The following SLX4IP variants were observed in gnomAD, a reference collection of about 807,000 sequenced individuals.
SLX4IP encodes protein SLX4IP.
A neutral mutation model predicts 32.9 loss-of-function variants in SLX4IP; 34 were observed. The observed-to-expected ratio is 1.03, with a 90% CI of 0.79 to 1.38. The LOEUF is 1.38. Ranked by LOEUF, SLX4IP falls within the 40% of genes most tolerant of loss-of-function variation. The pLI is 0.00. For missense variants in SLX4IP, 444 were observed against 479.0 expected (o/e 0.93, Z 0.68); for synonymous variants, 172 against 171.7 (o/e 1.00, Z -0.01).
chr20:10,568,435 G>A (rs2066421033), intron 4 of SLX4IP, among the ~76,000 whole-genome samples: 1 of 152,200 alleles, frequency 6.6e-6, no homozygotes, highest in South Asian at 2.1e-4. Flanking sequence ...TGCTGCCTCT[G>A]TAGTACTGAT....
At chr20:10,545,717 A>G (rs1487670287) in intron 2 of SLX4IP, among the ~76,000 whole-genome samples, 1 of 152,190 alleles carries the variant, frequency 6.6e-6, no homozygotes, top group Non-Finnish European at 1.5e-5. Context: ...GTCATCCAGA[A>G]TCCCCAAAGT....
intron 4 of SLX4IP, among the ~76,000 whole-genome samples, chr20:10,581,550 A>G (rs1433085119): frequency 1.3e-5 from 2 of 152,166 alleles, no homozygotes; most frequent in Non-Finnish European, 2.9e-5. Flanking sequence ...AGAGACCCCA[A>G]AGCACTGTAA....
At chr20:10,447,135 T>TG (rs2065208833) in intron 1 of SLX4IP, among the ~76,000 whole-genome samples, 1 of 152,210 alleles carries the variant, frequency 6.6e-6, no homozygotes, top group African/African-American at 2.4e-5. Flanking sequence ...AGCAGTTGTT[T>TG]GACCACAGTT....
intron 4 of SLX4IP, among the ~76,000 whole-genome samples, chr20:10,580,013 C>G (rs1350288133): frequency 6.6e-6 from 1 of 152,142 alleles, no homozygotes; most frequent in Non-Finnish European, 1.5e-5. Flanking sequence ...TTAAATTAAA[C>G]CTTTCACAAA....
intron 1 of SLX4IP, among the ~76,000 whole-genome samples, chr20:10,449,623 G>C (rs1426813913): frequency 2.0e-5 from 3 of 152,196 alleles, no homozygotes; most frequent in African/African-American, 7.2e-5. Flanking sequence ...GCAAGGCTGG[G>C]AGTAGAGGGT....
rs1206047471 is a variant in SLX4IP, at chr20:10,465,148, G to A, written c.27+6917G>A. Among the ~76,000 whole-genome samples, 4 of 152,146 alleles carry A rather than the reference G, an allele frequency of 2.6e-5. No homozygotes were observed. In the East Asian group the frequency reaches 7.7e-4, roughly 29 times the overall value. ...GACTCTTATTTTAACTGAAAGAAGTGGTAGCAGCAGGCGCATCTCCCCAAG... is the reference window on the plus strand; with the variant it reads ...GACTCTTATTTTAACTGAAAGAAGTAGTAGCAGCAGGCGCATCTCCCCAAG... On this transcript the variant is annotated intron_variant, in intron 2 of 7. Transcript: ENST00000334534.
At chr20:10,619,048 G>T (rs1287750083) in intron 6 of SLX4IP, among the ~76,000 whole-genome samples, 1 of 152,134 alleles carries the variant, frequency 6.6e-6, no homozygotes, top group Non-Finnish European at 1.5e-5. Flanking sequence ...AGACCTGACA[G>T]CTCAGGGGCT....
chr20:10,606,446 GATCT>G (rs1728143954), intron 6 of SLX4IP, among the ~76,000 whole-genome samples: 1 of 152,100 alleles, frequency 6.6e-6, no homozygotes, highest in Admixed American at 6.6e-5. Flanking sequence ...GATTTTTCAT[GATCT>G]ATCATAGAGT....
intron 4 of SLX4IP, 58 bp from the exon 5 acceptor site, chr20:10,598,617 C>G: frequency 6.7e-7 from 1 of 1,498,212 alleles, no homozygotes; most frequent in Admixed American, 1.7e-5. Flanking sequence ...CTGGGCTGAA[C>G]TCCAGAGATT....
chr20:10,564,583 A>G (rs1171512196), intron 4 of SLX4IP, among the ~76,000 whole-genome samples: 1 of 152,190 alleles, frequency 6.6e-6, no homozygotes, highest in Non-Finnish European at 1.5e-5. Flanking sequence ...GCTCATTGCT[A>G]TAATAATATT....
chr20:10,444,706 C>G (rs1202103341), intron 1 of SLX4IP, among the ~76,000 whole-genome samples: 1 of 152,118 alleles, frequency 6.6e-6, no homozygotes, highest in Non-Finnish European at 1.5e-5. Flanking sequence ...AAGATGATAC[C>G]TTCTTGCTGT....
intron 1 of SLX4IP, among the ~76,000 whole-genome samples, chr20:10,448,804 A>G (rs1238459144): frequency 1.3e-5 from 2 of 152,206 alleles, no homozygotes; most frequent in Non-Finnish European, 2.9e-5. Flanking sequence ...TCAGATAAAT[A>G]TTCAATATAT....
chr20:10,609,346 T>C (rs890404873), intron 6 of SLX4IP, among the ~76,000 whole-genome samples: 7 of 152,214 alleles, frequency 4.6e-5, no homozygotes, highest in Non-Finnish European at 7.3e-5. Flanking sequence ...GGATACAGTG[T>C]CATAACGGGA....
At chr20:10,567,538 C>T (rs1400408960) in intron 4 of SLX4IP, among the ~76,000 whole-genome samples, 2 of 152,140 alleles carry the variant, frequency 1.3e-5, no homozygotes, top group Non-Finnish European at 2.9e-5. Context: ...TTGGACTTCT[C>T]ATCCTCCACA....
intron 4 of SLX4IP, among the ~76,000 whole-genome samples, chr20:10,583,886 T>C (rs1307873856): frequency 2.0e-5 from 3 of 152,336 alleles, no homozygotes; most frequent in Admixed American, 1.3e-4. Context: ...CTTTGCTTAA[T>C]TCAGGCAATT....
rs1388361898 is a variant in SLX4IP, at chr20:10,625,141, A to G, written c.*1762A>G. 6.6e-6 allele frequency: 1 copy of G among 152,134 alleles called. No homozygotes were observed. The highest frequency in any genetic ancestry group is 1.5e-5 in the Non-Finnish European group (1 of 68,038). 9.4% of individuals were successfully genotyped at this position (152,134 alleles called of 1,614,324 possible). ...TAGGGGTGGGCTGCACAGAGTGGAA[A>G]CCGAGTACCTGGTAGAATGTGCATT... On this transcript the variant is annotated 3_prime_UTR_variant, in exon 8 of 8. Transcript: ENST00000334534.
intron 4 of SLX4IP, among the ~76,000 whole-genome samples, chr20:10,592,481 T>C (rs2066720832): frequency 1.3e-5 from 2 of 152,078 alleles, no homozygotes; most frequent in Non-Finnish European, 2.9e-5. Context: ...AGCATCAAAC[T>C]CATGATTTCC....
At chr20:10,550,876 T>C (rs1042461493) in intron 2 of SLX4IP, among the ~76,000 whole-genome samples, 16 of 152,168 alleles carry the variant, frequency 1.1e-4, no homozygotes, top group Admixed American at 1.0e-3. Flanking sequence ...GTCACTCCGC[T>C]CCCTCTGGTA....
At chr20:10,444,259 A>G (rs1297413181) in intron 1 of SLX4IP, among the ~76,000 whole-genome samples, 1 of 126,146 alleles carries the variant, frequency 7.9e-6, no homozygotes, top group Non-Finnish European at 1.8e-5. Context: ...CTGTGCTGCC[A>G]TAACAAAATA....
Sources: gnomAD v4.1 joint callset for allele counts (sites outside exome capture counted in the v4.1 genomes callset) on GRCh38, gnomAD v4.1.1 for gene constraint, MANE v1.5 for transcripts, NCBI Gene and HGNC (gene_info 2026-07-23, HGNC 2026-07-21) for gene names.